Variants in GUCY2F observed in about 807,000 individuals in gnomAD.
The protein encoded by GUCY2F is retinal guanylyl cyclase 2.
In GUCY2F, 61 loss-of-function variants were observed where a neutral mutation model predicts 73.1. The observed-to-expected ratio is 0.83, with a 90% CI of 0.68 to 1.03. The LOEUF (loss-of-function observed/expected upper bound fraction) is 1.03. GUCY2F is among the 50% of genes least tolerant of loss of function. The pLI is 0.00. For synonymous variants in GUCY2F, 331 were observed against 307.8 expected (o/e 1.08, Z -0.79); for missense variants, 912 against 854.3 (o/e 1.07, Z -0.84).
intron 9 of GUCY2F, among the ~76,000 whole-genome samples, chrX:109,407,194 T>G (rs1930993324): frequency 8.9e-6 from 1 of 112,210 alleles, no homozygotes; most frequent in Admixed American, 9.4e-5. Flanking sequence ...CAGATGGAGA[T>G]GAGTAACTTG....
intron 11 of GUCY2F, among the ~76,000 whole-genome samples, chrX:109,397,216 C>T (rs997524321): frequency 1.8e-5 from 2 of 110,747 alleles, no homozygotes; most frequent in East Asian, 5.7e-4. Flanking sequence ...TTTCAGGGCC[C>T]GGCCAGTCAT....
At position 109,396,126 on chromosome X, in the gene GUCY2F, T is replaced by C. The variant is rs557449104; in HGVS notation, c.2276-637A>G. On this transcript the variant is annotated intron_variant, in intron 11 of 19. Transcript: ENST00000218006. ...TTTTATAGCTAGGGAAACTGAGACA[T>C]GAAGAGAGTAAGTAACTTACCCGAG... Among the ~76,000 whole-genome samples, 34 of 111,595 alleles carry C rather than the reference T, an allele frequency of 3.0e-4. No individual in the cohort carries two copies. In the South Asian group the frequency reaches 0.013, roughly 41 times the overall value.
chrX:109,441,586 G>A (rs1166778513), intron 6 of GUCY2F, 104 bp from the exon 7 acceptor site: 2 of 507,317 alleles, frequency 3.9e-6, no homozygotes, highest in Non-Finnish European at 6.1e-6. Flanking sequence ...AACCATATGA[G>A]TTGAACCCTG....
chrX:109,406,012 C>T (rs940677874), intron 9 of GUCY2F, among the ~76,000 whole-genome samples: 2 of 111,279 alleles, frequency 1.8e-5, no homozygotes, highest in Non-Finnish European at 3.8e-5. Context: ...CTTTCAAGGC[C>T]CCTGAAAAAG....
chrX:109,449,882 G>A (rs1448380016), intron 5 of GUCY2F, among the ~76,000 whole-genome samples: 1 of 110,667 alleles, frequency 9.0e-6, no homozygotes, highest in African/African-American at 3.3e-5. Context: ...TTTTGGGGTG[G>A]TTGGGTTCTT....
chrX:109,424,001 C>T (rs1327270231), intron 8 of GUCY2F, among the ~76,000 whole-genome samples: 1 of 111,384 alleles, frequency 9.0e-6, no homozygotes, highest in Non-Finnish European at 1.9e-5. Flanking sequence ...TCTAGCAATG[C>T]TGATTAAGAA....
At chrX:109,408,006 G>A (rs1450461096) in intron 9 of GUCY2F, among the ~76,000 whole-genome samples, 1 of 111,984 alleles carries the variant, frequency 8.9e-6, no homozygotes, top group Non-Finnish European at 1.9e-5. Context: ...GTGAGAAGAG[G>A]GCCACCATTC....
chrX:109,465,569 T>A, intron 2 of GUCY2F, 126 bp from the exon 3 acceptor site: 1 of 501,112 alleles, frequency 2.0e-6, no homozygotes, highest in Admixed American at 3.4e-5. Flanking sequence ...GCCTCCAAGA[T>A]AAGCAAGATG....
chrX:109,444,791 T>C (rs1383266371), intron 6 of GUCY2F, among the ~76,000 whole-genome samples: 1 of 112,160 alleles, frequency 8.9e-6, no homozygotes, highest in African/African-American at 3.2e-5. Context: ...CCGATTGTCA[T>C]GATGAGATCC....
intron 19 of GUCY2F, among the ~76,000 whole-genome samples, chrX:109,373,602 T>C (rs949523378): frequency 1.8e-5 from 2 of 112,310 alleles, no homozygotes; most frequent in Admixed American, 1.9e-4. Flanking sequence ...AGCCTGCCAG[T>C]GTGACCCTCT....
rs1239310442 is a variant in GUCY2F at position 109,404,341 on chromosome X, T to A, written c.2112A>T (p.Glu704Asp). 8.4e-7 allele frequency: 1 copy of A among 1,197,464 alleles called. No individual in the cohort carries two copies. Among genetic ancestry groups the A allele is most frequent in the Admixed American group, 2.2e-5 (1 of 45,755 alleles). ...ILEMLRLSEE[E>D]SSMEELLWTA... ...TTCATTGCTTACCTTCCATAGAAGATTCCTCTTCAGAGAGTCTCAGCATTT... is the reference window on the plus strand; with the variant it reads ...TTCATTGCTTACCTTCCATAGAAGAATCCTCTTCAGAGAGTCTCAGCATTT... Residue 704 changes from glutamate to aspartate, a missense_variant, in exon 10 of 20, where the codon GAA (glutamate) becomes GAT (aspartate). Physicochemically the swap from Glu to Asp is conservative, Grantham distance 45. Coordinates refer to ENST00000218006, the MANE Select transcript of GUCY2F (RefSeq NM_001522.3).
In GUCY2F at chrX:109,453,863, T is replaced by C; in HGVS notation, c.1033-4A>G. The C allele has an allele frequency of 9.4e-7, 1 of 1,062,535 alleles. No homozygotes were observed. Among genetic ancestry groups the C allele is most frequent in the South Asian group, 2.1e-5 (1 of 47,172 alleles). 87.6% of individuals were successfully genotyped at this position (1,062,535 alleles called of 1,213,427 possible). A position where few individuals can be genotyped will look rare whatever the true frequency, so the allele number is the denominator to read the frequency against. On this transcript the variant is annotated splice_region_variant and splice_polypyrimidine_tract_variant and intron_variant, in intron 3 of 19. Transcript: ENST00000218006. Reference sequence around the variant, plus strand: ...TGGTTCCAAACAACGGTGAAACCTATTTTTAAAAATTACAATTATCTTGAG... The same window carrying C: ...TGGTTCCAAACAACGGTGAAACCTACTTTTAAAAATTACAATTATCTTGAG...
At chrX:109,428,436 G>A (rs781172653) in intron 8 of GUCY2F, among the ~76,000 whole-genome samples, 4 of 111,754 alleles carry the variant, frequency 3.6e-5, no homozygotes, top group African/African-American at 1.3e-4. Flanking sequence ...AACTAAAATT[G>A]AGGGACAGTC....
chrX:109,446,391 T>C (rs1401499132), intron 6 of GUCY2F, among the ~76,000 whole-genome samples: 2 of 111,866 alleles, frequency 1.8e-5, no homozygotes, highest in Non-Finnish European at 3.8e-5. Context: ...AAGGCTACAG[T>C]AACCAAAACA....
chrX:109,378,168 C>T (rs897044525), intron 17 of GUCY2F, among the ~76,000 whole-genome samples: 1 of 111,444 alleles, frequency 9.0e-6, no homozygotes, highest in Non-Finnish European at 1.9e-5. Flanking sequence ...CTTATTTAAT[C>T]CTCACAAAAA....
chrX:109,432,140 G>A (rs922657509), intron 7 of GUCY2F, among the ~76,000 whole-genome samples: 14 of 111,643 alleles, frequency 1.3e-4, no homozygotes, highest in Admixed American at 2.8e-4. Flanking sequence ...TCGTAGTAGG[G>A]TGAGGTCCAG....
chrX:109,432,730 A>T (rs1931643818), intron 7 of GUCY2F, among the ~76,000 whole-genome samples: 1 of 112,437 alleles, frequency 8.9e-6, no homozygotes, highest in African/African-American at 3.2e-5. Context: ...ACCAGGGAGC[A>T]CATTCCACTA....
chrX:109,390,944 C>CAT (rs775309833), intron 14 of GUCY2F, among the ~76,000 whole-genome samples: 6 of 112,588 alleles, frequency 5.3e-5, no homozygotes, highest in Non-Finnish European at 9.4e-5. Context: ...GATAAACACA[C>CAT]TTTCTTGTGT....
chrX:109,409,514 G>C (rs1931056591), intron 8 of GUCY2F, among the ~76,000 whole-genome samples: 1 of 111,487 alleles, frequency 9.0e-6, no homozygotes, highest in Admixed American at 9.5e-5. Flanking sequence ...CAAAGAATGT[G>C]GGCAGCCTCT....
Sources: gnomAD v4.1 joint callset for allele counts (sites outside exome capture counted in the v4.1 genomes callset) on GRCh38, gnomAD v4.1.1 for gene constraint, MANE v1.5 for transcripts, NCBI Gene and HGNC (gene_info 2026-07-23, HGNC 2026-07-21) for gene names.